The following ZNHIT6 variants were observed in gnomAD, a reference collection of about 807,000 sequenced individuals.
ZNHIT6 encodes the protein zinc finger HIT-type containing 6, also known as box C/D snoRNA protein 1.
Under a neutral mutation model 57.2 loss-of-function variants are expected in ZNHIT6, and 45 were observed. That is an observed-to-expected ratio of 0.79 (90% CI 0.62 to 1.01). The LOEUF is 1.01. ZNHIT6 is among the 50% of genes least tolerant of loss of function. The pLI, the probability that ZNHIT6 is intolerant of heterozygous loss-of-function variation, is 0.00. For missense variants in ZNHIT6, 528 were observed against 567.3 expected (o/e 0.93, Z 0.70); for synonymous variants, 188 against 190.0 (o/e 0.99, Z 0.09).
chr1:85,685,530 C>A (rs769438486), intron 5 of ZNHIT6, among the ~76,000 whole-genome samples: 1 of 152,128 alleles, frequency 6.6e-6, no homozygotes, highest in African/African-American at 2.4e-5. Flanking sequence ...TTTTTACCTA[C>A]GAATATGTCT....
At chr1:85,663,189 G>A (rs1661273641) in intron 8 of ZNHIT6, among the ~76,000 whole-genome samples, 1 of 152,138 alleles carries the variant, frequency 6.6e-6, no homozygotes, top group African/African-American at 2.4e-5. Context: ...TGCTAAGCTA[G>A]CATCAGTAAT....
At chr1:85,678,253 T>C (rs1661762473) in intron 7 of ZNHIT6, among the ~76,000 whole-genome samples, 1 of 152,188 alleles carries the variant, frequency 6.6e-6, no homozygotes, top group Non-Finnish European at 1.5e-5. Context: ...TTCCTGTCTT[T>C]AAGTTACTTG....
In ZNHIT6 at chr1:85,708,420, T is replaced by C; in HGVS notation, c.-136A>G. The C allele has an allele frequency of 8.9e-7, 1 of 1,126,220 alleles. No homozygotes were observed. Among genetic ancestry groups the C allele is most frequent in the Non-Finnish European group, 1.2e-6 (1 of 809,728 alleles). 69.8% of individuals were successfully genotyped at this position (1,126,220 alleles called of 1,614,324 possible). The stretch of plus-strand genomic sequence containing the variant: ...AAGCAGCCACAAACCCGGAATAGCC[T>C]GCTTGACGCGACTGCTCGAATCGCC... On this transcript the variant is annotated 5_prime_UTR_variant, in exon 1 of 10. Transcript: ENST00000370574.
intron 5 of ZNHIT6, among the ~76,000 whole-genome samples, chr1:85,695,169 C>T (rs1037892850): frequency 6.6e-6 from 1 of 151,856 alleles, no homozygotes; most frequent in Non-Finnish European, 1.5e-5. Flanking sequence ...GAGGCTGAGG[C>T]AAGAGAATTG....
At chr1:85,693,075 C>T (rs1662263647) in intron 5 of ZNHIT6, among the ~76,000 whole-genome samples, 1 of 152,132 alleles carries the variant, frequency 6.6e-6, no homozygotes, top group South Asian at 2.1e-4. Context: ...AAGTTAAGGA[C>T]TTTCAGTTCT....
At chr1:85,676,597 G>A (rs1346131174) in intron 8 of ZNHIT6, among the ~76,000 whole-genome samples, 1 of 152,034 alleles carries the variant, frequency 6.6e-6, no homozygotes, top group Non-Finnish European at 1.5e-5. Flanking sequence ...GTTATTAATT[G>A]GCCTAATTTC....
At chr1:85,656,142 G>A (rs1206771405) in intron 9 of ZNHIT6, among the ~76,000 whole-genome samples, 1 of 152,140 alleles carries the variant, frequency 6.6e-6, no homozygotes, top group Non-Finnish European at 1.5e-5. Context: ...AATGTATAAA[G>A]AAACAGACAC....
intron 5 of ZNHIT6, among the ~76,000 whole-genome samples, chr1:85,682,965 C>G (rs923491578): frequency 3.9e-5 from 6 of 152,112 alleles, no homozygotes; most frequent in African/African-American, 1.4e-4. Flanking sequence ...CTGTATAATC[C>G]CAGCAATTTG....
chr1:85,676,582 G>C (rs181801289), intron 8 of ZNHIT6, among the ~76,000 whole-genome samples: 113 of 152,252 alleles, frequency 7.4e-4, no homozygotes, highest in Non-Finnish European at 1.4e-3. Flanking sequence ...ACAGGCCATT[G>C]TGTGGTTATT....
chr1:85,660,502 A>C (rs1661195393), intron 8 of ZNHIT6, among the ~76,000 whole-genome samples: 1 of 152,200 alleles, frequency 6.6e-6, no homozygotes, highest in Non-Finnish European at 1.5e-5. Flanking sequence ...CAACAAAAAG[A>C]GTTCTTCAAA....
intron 9 of ZNHIT6, 34 bp downstream of exon 9, chr1:85,657,813 A>T: frequency 6.3e-7 from 1 of 1,596,720 alleles, no homozygotes; most frequent in Non-Finnish European, 8.5e-7. Context: ...CTCTAAAGCT[A>T]TTCTAAGCAT....
intron 5 of ZNHIT6, among the ~76,000 whole-genome samples, chr1:85,683,490 T>C (rs953704450): frequency 6.6e-6 from 1 of 151,534 alleles, no homozygotes; most frequent in Non-Finnish European, 1.5e-5. Context: ...GCCACTGCAT[T>C]CCAGCCTGGG....
chr1:85,680,438 C>T (rs1557854140), intron 6 of ZNHIT6, among the ~76,000 whole-genome samples: 2 of 152,088 alleles, frequency 1.3e-5, no homozygotes, highest in Non-Finnish European at 2.9e-5. Flanking sequence ...AACTTTCAGC[C>T]GTCTAATTCT....
At chr1:85,692,234 G>A (rs1662241294) in intron 5 of ZNHIT6, among the ~76,000 whole-genome samples, 2 of 151,296 alleles carry the variant, frequency 1.3e-5, no homozygotes, top group African/African-American at 4.8e-5. Flanking sequence ...GATGGACTTG[G>A]TGACTGGGAA....
chr1:85,680,079 G>A (rs889156626), intron 6 of ZNHIT6, among the ~76,000 whole-genome samples: 1 of 151,948 alleles, frequency 6.6e-6, no homozygotes, highest in Non-Finnish European at 1.5e-5. Flanking sequence ...GATGGCCTGA[G>A]CCTTTAGTCC....
intron 5 of ZNHIT6, among the ~76,000 whole-genome samples, chr1:85,687,228 T>C (rs1274789689): frequency 7.1e-6 from 1 of 140,268 alleles, no homozygotes; most frequent in Non-Finnish European, 1.5e-5. Context: ...TGTAGTGAAC[T>C]GAGATTGTGC....
chr1:85,697,160 G>A (rs930786737), intron 5 of ZNHIT6, among the ~76,000 whole-genome samples: 2 of 151,916 alleles, frequency 1.3e-5, no homozygotes, highest in African/African-American at 4.8e-5. Context: ...GTGAGCCACC[G>A]TGCCCGGCCA....
At chr1:85,671,696 C>T (rs760819851) in intron 8 of ZNHIT6, among the ~76,000 whole-genome samples, 19 of 152,214 alleles carry the variant, frequency 1.2e-4, no homozygotes, top group Non-Finnish European at 2.5e-4. Flanking sequence ...CAAATATTAA[C>T]TCAAATTAAT....
Position 85,708,175 on chromosome 1 carries a change from G to T in ZNHIT6, c.110C>A (p.Ala37Glu). 1.2e-6 allele frequency: 2 copies of T among 1,613,968 alleles called. No homozygotes were observed. Among genetic ancestry groups the T allele is most frequent in the Non-Finnish European group, 1.7e-6 (2 of 1,180,000 alleles). ...EPGREGVRDL[A>E]GAEEFGGGEE... ...TCCGCCGCCGAACTCCTCCGCCCCTGCTAAGTCCCTTACTCCCTCCCTGCC... is the reference window on the plus strand; with the variant it reads ...TCCGCCGCCGAACTCCTCCGCCCCTTCTAAGTCCCTTACTCCCTCCCTGCC... Residue 37 changes from alanine to glutamate, a missense_variant, in exon 1 of 10, where the codon GCA becomes GAA. Ala to Glu is a moderately radical substitution (Grantham distance 107, BLOSUM62 -1). Transcript: ENST00000370574.
Sources: gnomAD v4.1 joint callset for allele counts (sites outside exome capture counted in the v4.1 genomes callset) on GRCh38, gnomAD v4.1.1 for gene constraint, MANE v1.5 for transcripts, NCBI Gene and HGNC (gene_info 2026-07-23, HGNC 2026-07-21) for gene names.